Variants in SPON1 observed in about 807,000 individuals in gnomAD.
SPON1 encodes the protein spondin 1.
In SPON1, 52 loss-of-function variants were observed where a neutral mutation model predicts 111.7. That is an observed-to-expected ratio of 0.47 (90% CI 0.37 to 0.59). The LOEUF is 0.59. SPON1 is among the 20% of genes least tolerant of loss of function. The pLI, the probability that SPON1 is intolerant of heterozygous loss-of-function variation, is 0.00. For missense variants in SPON1, 957 were observed against 1,068.5 expected (o/e 0.90, Z 1.46); for synonymous variants, 410 against 395.8 (o/e 1.04, Z -0.43).
At chr11:14,189,713 TAAGG>T (rs1848324522) in intron 6 of SPON1, among the ~76,000 whole-genome samples, 1 of 152,198 alleles carries the variant, frequency 6.6e-6, no homozygotes. Flanking sequence ...TACATAAACT[TAAGG>T]AAGAGGGAAA....
At chr11:14,104,939 A>G (rs1026872039) in intron 5 of SPON1, among the ~76,000 whole-genome samples, 7 of 152,150 alleles carry the variant, frequency 4.6e-5, no homozygotes, top group Admixed American at 3.9e-4. Flanking sequence ...TTTCATTACA[A>G]TGAAGTCCTT....
chr11:14,119,189 T>A (rs1849286629), intron 5 of SPON1, among the ~76,000 whole-genome samples: 1 of 152,120 alleles, frequency 6.6e-6, no homozygotes, highest in Admixed American at 6.5e-5. Flanking sequence ...ACAAGCCATG[T>A]CTCAATTTGT....
chr11:14,189,359 G>T (rs1488834709), intron 6 of SPON1, among the ~76,000 whole-genome samples: 1 of 152,172 alleles, frequency 6.6e-6, no homozygotes, highest in Non-Finnish European at 1.5e-5. Flanking sequence ...CCACTCTTCT[G>T]CAGGGCTTCC....
At chr11:14,113,569 T>A (rs7394627) in intron 5 of SPON1, among the ~76,000 whole-genome samples, 31,222 of 46,174 alleles carry the variant, frequency 0.68, 9,443 homozygotes, top group African/African-American at 0.77. Context: ...ACTTTTTAAA[T>A]TTTTTTTTTT....
intron 2 of SPON1, among the ~76,000 whole-genome samples, chr11:13,996,284 C>T (rs1184042365): frequency 6.6e-6 from 1 of 152,168 alleles, no homozygotes; most frequent in Non-Finnish European, 1.5e-5. Flanking sequence ...ACAAACAACA[C>T]ATTTTAAAAG....
intron 6 of SPON1, among the ~76,000 whole-genome samples, chr11:14,195,923 A>C (rs1848396672): frequency 6.6e-6 from 1 of 152,186 alleles, no homozygotes; most frequent in Non-Finnish European, 1.5e-5. Flanking sequence ...CTGAGGGTGT[A>C]TACATTCTTA....
At chr11:13,992,290 G>A (rs1355403807) in intron 2 of SPON1, among the ~76,000 whole-genome samples, 2 of 152,212 alleles carry the variant, frequency 1.3e-5, no homozygotes, top group South Asian at 2.1e-4. Flanking sequence ...TCTGGCCACA[G>A]CAGCCTTGCT....
At chr11:14,047,140 A>C (rs1554917907) in intron 3 of SPON1, among the ~76,000 whole-genome samples, 1 of 152,112 alleles carries the variant, frequency 6.6e-6, no homozygotes, top group Non-Finnish European at 1.5e-5. Flanking sequence ...TCTTAAAATA[A>C]TGAATATATA....
intron 14 of SPON1, among the ~76,000 whole-genome samples, 172 bp downstream of exon 14, chr11:14,260,924 T>C (rs1379643703): frequency 6.6e-6 from 1 of 152,140 alleles, no homozygotes; most frequent in African/African-American, 2.4e-5. Flanking sequence ...GTCAGTTTCA[T>C]TAATAAAGTG....
At chr11:14,242,989 C>T (rs1184962993) in intron 6 of SPON1, among the ~76,000 whole-genome samples, 1 of 152,252 alleles carries the variant, frequency 6.6e-6, no homozygotes, top group Non-Finnish European at 1.5e-5. Flanking sequence ...CAGAGCATGG[C>T]TCTGCCCTCT....
intron 2 of SPON1, among the ~76,000 whole-genome samples, chr11:14,021,062 G>A (rs1324310085): frequency 1.3e-5 from 2 of 152,080 alleles, no homozygotes; most frequent in African/African-American, 4.8e-5. Context: ...AGAATATCAC[G>A]ATATAATGAT....
chr11:14,093,076 A>C (rs1554923561), intron 5 of SPON1, among the ~76,000 whole-genome samples: 1 of 152,192 alleles, frequency 6.6e-6, no homozygotes, highest in East Asian at 1.9e-4. Flanking sequence ...CACTCTACAA[A>C]AACCTGCATT....
At chr11:14,090,242 G>C (rs1849039356) in intron 5 of SPON1, among the ~76,000 whole-genome samples, 1 of 149,958 alleles carries the variant, frequency 6.7e-6, no homozygotes, top group Non-Finnish European at 1.5e-5. Flanking sequence ...CTTGGCGTCT[G>C]CCCAAACAGC....
chr11:14,002,634 C>T (rs919239465), intron 2 of SPON1, among the ~76,000 whole-genome samples: 1 of 152,078 alleles, frequency 6.6e-6, no homozygotes, highest in African/African-American at 2.4e-5. Context: ...CTAGAGGAGA[C>T]TTTGAGATTG....
At chr11:14,030,967 A>C (rs1919312) in intron 2 of SPON1, among the ~76,000 whole-genome samples, 52,677 of 152,200 alleles carry the variant, frequency 0.35, 10,627 homozygotes, top group East Asian at 0.67. Flanking sequence ...GGTGTTTGTC[A>C]GTGGTGAACT....
chr11:14,160,186 A>AT (rs538853423), intron 6 of SPON1, among the ~76,000 whole-genome samples: 1 of 150,082 alleles, frequency 6.7e-6, no homozygotes, highest in Non-Finnish European at 1.5e-5. Context: ...ATTTTTTTAA[A>AT]TTTTTTTTAA....
At chr11:14,256,437 G>C (rs982234052) in intron 9 of SPON1, among the ~76,000 whole-genome samples, 180 bp from the exon 10 acceptor site, 1 of 152,176 alleles carries the variant, frequency 6.6e-6, no homozygotes, top group Non-Finnish European at 1.5e-5. Context: ...TCCCTGGTTA[G>C]CCATTCCTGC....
chr11:14,217,429 CAT>C (rs1241179021), intron 6 of SPON1, among the ~76,000 whole-genome samples: 3 of 152,306 alleles, frequency 2.0e-5, no homozygotes, highest in Non-Finnish European at 4.4e-5. Context: ...CTTGCTCTCT[CAT>C]ATATTTTTAC....
At chr11:14,127,296 A>G (rs1847470955) in intron 5 of SPON1, among the ~76,000 whole-genome samples, 1 of 85,814 alleles carries the variant, frequency 1.2e-5, no homozygotes, top group African/African-American at 6.0e-5. Context: ...CATAGATCTG[A>G]CCTCCGAAAA....
Sources: allele counts gnomAD v4.1 joint callset (sites outside exome capture counted in the v4.1 genomes callset), GRCh38; gene constraint gnomAD v4.1.1; transcripts MANE v1.5; gene names NCBI Gene and HGNC (gene_info 2026-07-23, HGNC 2026-07-21).